Variants in CPVL observed in about 807,000 individuals in gnomAD.
CPVL encodes carboxypeptidase vitellogenic like, also known as probable serine carboxypeptidase CPVL.
CPVL carries 51 observed loss-of-function variants against 63.7 expected under a neutral mutation model. The ratio of observed to expected loss-of-function variants is 0.80; its 90% CI spans 0.64 to 1.01. CPVL has a LOEUF of 1.01. CPVL is among the 50% of genes least tolerant of loss of function. CPVL has a pLI of 0.00. For synonymous variants in CPVL, 195 were observed against 206.0 expected, an observed-to-expected ratio of 0.95 and a Z score of 0.46; for missense variants, 530 against 573.1, an observed-to-expected ratio of 0.92 and a Z score of 0.77.
chr7:29,178,994 C>T (rs575061999), intron 5 of CPVL, among the ~76,000 whole-genome samples: 2 of 152,274 alleles, frequency 1.3e-5, no homozygotes, highest in South Asian at 4.2e-4. Context: ...AGCATTTGCA[C>T]CTCCTCAGTT....
Position 29,088,953 on chromosome 7 carries a change from G to A in CPVL, c.543-2403C>T, listed in dbSNP as rs374482739. 2.6e-4 allele frequency among the ~76,000 whole-genome samples: 39 copies of A among 152,246 alleles called. No homozygotes were observed. In the East Asian group the frequency reaches 6.2e-3, roughly 24 times the overall value. ...TCACGCCACTGCACTCCAGCCTGGC[G>A]ACATAGTGAGACTCCGTCTCAATAA... On this transcript the variant is annotated intron_variant, in intron 6 of 12. Coordinates refer to ENST00000265394, the MANE Select transcript of CPVL (RefSeq NM_031311.5).
At chr7:29,052,638 G>T (rs1427717941) in intron 11 of CPVL, among the ~76,000 whole-genome samples, 1 of 152,144 alleles carries the variant, frequency 6.6e-6, no homozygotes, top group African/African-American at 2.4e-5. Context: ...GGCTGGGCAC[G>T]GTGGCTCACG....
upstream of CPVL, among the ~76,000 whole-genome samples, chr7:29,148,248 C>T (rs1793051052): frequency 6.6e-6 from 1 of 152,176 alleles, no homozygotes; most frequent in African/African-American, 2.4e-5. Context: ...ATAAGGACAA[C>T]TACTGGCCAA....
In CPVL at chr7:29,162,093, G is replaced by A. The variant is rs917007038; in HGVS notation, c.-11+19197C>T. 4.6e-5 allele frequency among the ~76,000 whole-genome samples: 7 copies of A among 152,304 alleles called. No homozygotes were observed. The East Asian group carries it at 1.4e-3, about 29-fold the overall frequency. ...GCTGGTGGCAATGTTAAACAGTACA[G>A]CCACTCTGGGCATCTGGCAGTTTCT... is the stretch of plus-strand genomic sequence containing the variant. On this transcript the variant is annotated intron_variant, in intron 5 of 16. Coordinates refer to the CPVL transcript ENST00000409850.
chr7:29,138,014 T>G (rs991684927), intron 1 of CPVL, among the ~76,000 whole-genome samples: 4 of 152,230 alleles, frequency 2.6e-5, no homozygotes, highest in African/African-American at 9.6e-5. Flanking sequence ...AAGGATGGAC[T>G]TAAGCCAGAA....
chr7:29,043,472 C>A (rs887196303), intron 11 of CPVL, among the ~76,000 whole-genome samples: 1 of 152,060 alleles, frequency 6.6e-6, no homozygotes. Flanking sequence ...CAGAGAATGT[C>A]AAACAGGCTT....
chr7:28,999,271 G>T (rs549391429), intron 12 of CPVL, among the ~76,000 whole-genome samples: 140 of 152,200 alleles, frequency 9.2e-4, no homozygotes, highest in African/African-American at 2.7e-3. Context: ...AAAAATACCT[G>T]AGCTCATTAA....
chr7:29,095,164 G>T (rs780596764), intron 4 of CPVL, 22 bp from the exon 5 acceptor site: 2 of 1,605,898 alleles, frequency 1.2e-6, no homozygotes, highest in South Asian at 1.1e-5. Context: ...AAGAAGAGGG[G>T]TGAGATAGAG....
intron 1 of CPVL, among the ~76,000 whole-genome samples, chr7:29,124,123 A>C (rs1789719058): frequency 6.6e-6 from 1 of 152,270 alleles, no homozygotes; most frequent in African/African-American, 2.4e-5. Context: ...TATTATCATA[A>C]ATGGAGAAGT....
chr7:29,106,811 T>C (rs1270922267), intron 3 of CPVL, among the ~76,000 whole-genome samples: 2 of 152,196 alleles, frequency 1.3e-5, no homozygotes, highest in Non-Finnish European at 2.9e-5. Flanking sequence ...GACAAGAAGC[T>C]ATGTTAGTTA....
At chr7:29,095,282 G>A in intron 4 of CPVL, 140 bp from the exon 5 acceptor site, 1 of 681,902 alleles carries the variant, frequency 1.5e-6, no homozygotes, top group East Asian at 2.7e-5. Context: ...ACACTCTCAT[G>A]GTGGGGAACA....
At chr7:29,075,375 A>G (rs1784135711) in intron 7 of CPVL, among the ~76,000 whole-genome samples, 1 of 152,184 alleles carries the variant, frequency 6.6e-6, no homozygotes, top group African/African-American at 2.4e-5. Context: ...CCAATATTTT[A>G]CAGTGATGAA....
intron 5 of CPVL, among the ~76,000 whole-genome samples, chr7:29,175,527 C>T (rs1316323415): frequency 1.3e-5 from 2 of 152,090 alleles, no homozygotes; most frequent in Non-Finnish European, 2.9e-5. Context: ...CTCTCATACT[C>T]TCTTGCCTGC....
chr7:29,173,105 T>C (rs1796820018), intron 5 of CPVL, among the ~76,000 whole-genome samples: 1 of 144,670 alleles, frequency 6.9e-6, no homozygotes, highest in Admixed American at 7.0e-5. Context: ...TACTCCAGCC[T>C]GGGTGACAGA....
At chr7:29,031,184 T>C (rs930739525) in intron 11 of CPVL, among the ~76,000 whole-genome samples, 3 of 152,200 alleles carry the variant, frequency 2.0e-5, no homozygotes, top group African/African-American at 7.2e-5. Context: ...CTCTTGGGTA[T>C]TGCTAATCCA....
intron 4 of CPVL, 92 bp downstream of exon 4, chr7:29,096,011 A>G (rs1786367049): frequency 1.0e-6 from 1 of 977,276 alleles, no homozygotes; most frequent in South Asian, 1.3e-5. Flanking sequence ...AGCTATTCAT[A>G]GTGGTTCAGT....
upstream of CPVL, among the ~76,000 whole-genome samples, chr7:29,148,239 T>C (rs557783639): frequency 6.6e-6 from 1 of 152,308 alleles, no homozygotes; most frequent in East Asian, 1.9e-4. Flanking sequence ...GGTCTAAGTA[T>C]AAGGACAACT....
chr7:28,994,872 G>A (rs938447191), downstream of CPVL, among the ~76,000 whole-genome samples: 1 of 152,224 alleles, frequency 6.6e-6, no homozygotes, highest in Non-Finnish European at 1.5e-5. Flanking sequence ...CACACGTCTT[G>A]TAGAATTTCA....
At chr7:29,061,190 C>T (rs1272977719) in intron 11 of CPVL, among the ~76,000 whole-genome samples, 1 of 152,030 alleles carries the variant, frequency 6.6e-6, no homozygotes, top group African/African-American at 2.4e-5. Flanking sequence ...GGTGGATCAC[C>T]TGAGGTCAGG....
Sources: gnomAD v4.1 joint callset for allele counts (sites outside exome capture counted in the v4.1 genomes callset) on GRCh38, gnomAD v4.1.1 for gene constraint, MANE v1.5 for transcripts, NCBI Gene and HGNC (gene_info 2026-07-23, HGNC 2026-07-21) for gene names.